ZFAT: variants seen among roughly 807,000 people sequenced by gnomAD.
ZFAT encodes zinc finger and AT-hook domain containing, also known as zinc finger protein ZFAT.
ZFAT carries 64 observed loss-of-function variants against 117.7 expected under a neutral mutation model. That is an observed-to-expected ratio of 0.54 (90% CI 0.44 to 0.67). The LOEUF (loss-of-function observed/expected upper bound fraction) is 0.67. Among genes scored for constraint, ZFAT ranks in the 30% least tolerant of loss-of-function variants. The pLI, the probability that ZFAT is intolerant of heterozygous loss-of-function variation, is 0.00. For synonymous variants in ZFAT, 679 were observed against 615.0 expected, an observed-to-expected ratio of 1.10 and a Z score of -1.54; for missense variants, 1,433 against 1,584.5, an observed-to-expected ratio of 0.90 and a Z score of 1.62.
chr8:134,504,037 G>A (rs4366044), intron 15 of ZFAT, among the ~76,000 whole-genome samples: 23,347 of 152,194 alleles, frequency 0.15, 2,842 homozygotes, highest in African/African-American at 0.33. Flanking sequence ...AGCAGGAATG[G>A]TGGCCGAGTC....
intron 10 of ZFAT, among the ~76,000 whole-genome samples, chr8:134,579,342 T>C (rs1262316276): frequency 6.6e-6 from 1 of 152,200 alleles, no homozygotes; most frequent in Admixed American, 6.5e-5. Flanking sequence ...CACAGTTCCA[T>C]GTAGCTGGGG....
At chr8:134,639,017 G>C (rs1321158529) in intron 2 of ZFAT, among the ~76,000 whole-genome samples, 1 of 152,166 alleles carries the variant, frequency 6.6e-6, no homozygotes, top group Admixed American at 6.5e-5. Flanking sequence ...ATGTCTCTCA[G>C]GTCCCTTCCT....
chr8:134,557,929 T>C (rs1823772174), intron 11 of ZFAT, among the ~76,000 whole-genome samples: 1 of 152,218 alleles, frequency 6.6e-6, no homozygotes, highest in Admixed American at 6.5e-5. Flanking sequence ...AGTAAAAATA[T>C]TTGAATAGGG....
chr8:134,552,975 T>A (rs1823289245), intron 11 of ZFAT, among the ~76,000 whole-genome samples: 1 of 152,222 alleles, frequency 6.6e-6, no homozygotes, highest in African/African-American at 2.4e-5. Context: ...AAGGGCAAAC[T>A]TCCTCCAGTG....
chr8:134,819,576 C>T, the ZFAT span, among the ~76,000 whole-genome samples: 1 of 142,408 alleles, frequency 7.0e-6, no homozygotes. Flanking sequence ...CATTTGCTCC[C>T]GCTCCTCCAA....
At chr8:134,518,397 G>A (rs1221421227) in intron 13 of ZFAT, among the ~76,000 whole-genome samples, 2 of 152,154 alleles carry the variant, frequency 1.3e-5, no homozygotes, top group Non-Finnish European at 2.9e-5. Context: ...CACCAGCAAC[G>A]TATGAGAGCA....
chr8:134,685,069 C>T (rs1049583914), intron 1 of ZFAT, among the ~76,000 whole-genome samples: 4 of 152,164 alleles, frequency 2.6e-5, no homozygotes, highest in Non-Finnish European at 5.9e-5. Flanking sequence ...TACGCTGCCT[C>T]CTGTTGGTCA....
the ZFAT span, among the ~76,000 whole-genome samples, chr8:134,761,483 C>A: frequency 2.6e-5 from 4 of 151,592 alleles, no homozygotes; most frequent in East Asian, 7.8e-4. Flanking sequence ...CGGCAAATCA[C>A]GAGATCAAGA....
intron 1 of ZFAT, among the ~76,000 whole-genome samples, chr8:134,691,294 G>A (rs1412834706): frequency 6.6e-6 from 1 of 152,236 alleles, no homozygotes; most frequent in Non-Finnish European, 1.5e-5. Flanking sequence ...GTGGCCCTGG[G>A]TCTTCTCTCC....
At chr8:134,569,121 T>C (rs539942493) in intron 10 of ZFAT, among the ~76,000 whole-genome samples, 37 of 152,280 alleles carry the variant, frequency 2.4e-4, no homozygotes, top group African/African-American at 8.7e-4. Context: ...ACTGGACTAC[T>C]AGGCATCATG....
the ZFAT span, among the ~76,000 whole-genome samples, chr8:134,721,919 A>T: frequency 1.3e-5 from 2 of 152,228 alleles, no homozygotes; most frequent in African/African-American, 2.4e-5. Context: ...AGGAAAATTT[A>T]AAAAACTGTC....
the ZFAT span, among the ~76,000 whole-genome samples, chr8:134,804,408 GA>G: frequency 6.6e-6 from 1 of 152,168 alleles, no homozygotes; most frequent in Non-Finnish European, 1.5e-5. Flanking sequence ...GGGCTAAGAG[GA>G]CGGAGAAAAA....
At chr8:134,766,759 A>T in the ZFAT span, 1 of 152,196 alleles carries the variant, frequency 6.6e-6, no homozygotes, top group African/African-American at 2.4e-5. Flanking sequence ...AGATGAAGGA[A>T]CTGAAACACA....
chr8:134,696,219 C>G (rs1833835881), intron 1 of ZFAT, among the ~76,000 whole-genome samples: 1 of 152,150 alleles, frequency 6.6e-6, no homozygotes, highest in Admixed American at 6.5e-5. Context: ...CAGGCGCGGA[C>G]CATCTCTAAG....
At chr8:134,552,904 T>G (rs1823282321) in intron 11 of ZFAT, among the ~76,000 whole-genome samples, 1 of 152,252 alleles carries the variant, frequency 6.6e-6, no homozygotes, top group East Asian at 1.9e-4. Context: ...AATTTTGACA[T>G]GCTTTCCATA....
At chr8:134,534,755 G>A (rs1257269076) in intron 11 of ZFAT, among the ~76,000 whole-genome samples, 1 of 111,654 alleles carries the variant, frequency 9.0e-6, no homozygotes, top group East Asian at 2.3e-4. Flanking sequence ...AAGGAAGAGG[G>A]GGAGAGGGAG....
chr8:134,697,790 A>T (rs1292455953), intron 1 of ZFAT, among the ~76,000 whole-genome samples: 1 of 148,774 alleles, frequency 6.7e-6, no homozygotes, highest in African/African-American at 2.4e-5. Flanking sequence ...CATGTTGGCC[A>T]GGCTGATCTT....
the ZFAT span, among the ~76,000 whole-genome samples, chr8:134,812,566 C>T: frequency 1.3e-5 from 2 of 152,154 alleles, no homozygotes; most frequent in Non-Finnish European, 2.9e-5. Flanking sequence ...GAAACCCTGT[C>T]TCTACTAAAA....
At chr8:134,749,607 A>G in the ZFAT span, among the ~76,000 whole-genome samples, 8 of 152,330 alleles carry the variant, frequency 5.3e-5, no homozygotes, top group African/African-American at 1.9e-4. Context: ...TTGGGGGGAC[A>G]CTAACATTCA....
Sources: allele counts gnomAD v4.1 joint callset (sites outside exome capture counted in the v4.1 genomes callset), GRCh38; gene constraint gnomAD v4.1.1; transcripts MANE v1.5; gene names NCBI Gene and HGNC (gene_info 2026-07-23, HGNC 2026-07-21).